Variants in LHFPL3 observed in about 807,000 individuals in gnomAD.
LHFPL3 encodes LHFPL tetraspan subfamily member 3.
LHFPL3 carries 5 observed loss-of-function variants against 19.3 expected under a neutral mutation model. The ratio of observed to expected loss-of-function variants is 0.26; its 90% CI spans 0.14 to 0.54. The LOEUF (loss-of-function observed/expected upper bound fraction) is 0.54. LHFPL3 is among the 20% of genes least tolerant of loss of function. The pLI, the probability that LHFPL3 is intolerant of heterozygous loss-of-function variation, is 0.94. For missense variants in LHFPL3, 249 were observed against 307.4 expected (o/e 0.81, Z 1.42); for synonymous variants, 133 against 126.2 (o/e 1.05, Z -0.36).
At chr7:104,447,566 T>G (rs747353759) in intron 1 of LHFPL3, among the ~76,000 whole-genome samples, 3 of 152,098 alleles carry the variant, frequency 2.0e-5, no homozygotes, top group Non-Finnish European at 4.4e-5. Flanking sequence ...TCCACTGGCA[T>G]TTTCTTAGTA....
At chr7:104,375,007 T>C (rs1023885476) in intron 1 of LHFPL3, among the ~76,000 whole-genome samples, 1 of 152,250 alleles carries the variant, frequency 6.6e-6, no homozygotes, top group South Asian at 2.1e-4. Flanking sequence ...AGTGTCAGTA[T>C]ATTTTCATTT....
At chr7:104,397,252 ATTATG>A (rs1791209221) in intron 1 of LHFPL3, among the ~76,000 whole-genome samples, 1 of 152,144 alleles carries the variant, frequency 6.6e-6, no homozygotes, top group Admixed American at 6.6e-5. Flanking sequence ...GTGATTTTAT[ATTATG>A]TAATATTTTT....
intron 2 of LHFPL3, among the ~76,000 whole-genome samples, chr7:104,753,620 C>T (rs1026562845): frequency 5.9e-5 from 9 of 151,542 alleles, no homozygotes; most frequent in African/African-American, 2.2e-4. Flanking sequence ...AACACAAAGA[C>T]CAGATGATAG....
At chr7:104,900,906 T>A (rs1315539481) in intron 2 of LHFPL3, among the ~76,000 whole-genome samples, 1 of 152,202 alleles carries the variant, frequency 6.6e-6, no homozygotes, top group Non-Finnish European at 1.5e-5. Context: ...GAATGACTTA[T>A]TTATTCATTC....
chr7:104,594,751 T>C (rs1267403790), intron 1 of LHFPL3, among the ~76,000 whole-genome samples: 1 of 152,238 alleles, frequency 6.6e-6, no homozygotes, highest in Non-Finnish European at 1.5e-5. Flanking sequence ...TCCTGTTTTT[T>C]CTCTAACCTT....
intron 1 of LHFPL3, among the ~76,000 whole-genome samples, chr7:104,466,159 T>C (rs1792780624): frequency 6.6e-6 from 1 of 152,236 alleles, no homozygotes; most frequent in South Asian, 2.1e-4. Flanking sequence ...TACTTAATAA[T>C]ACTTTTACCC....
chr7:104,778,305 C>T (rs918045657), intron 2 of LHFPL3, among the ~76,000 whole-genome samples: 3 of 152,200 alleles, frequency 2.0e-5, no homozygotes, highest in African/African-American at 7.2e-5. Context: ...CAACCTTGTG[C>T]AGAGGCGGTG....
Position 104,795,388 on chromosome 7 carries a change from C to T in LHFPL3, c.682+58477C>T, listed in dbSNP as rs533884338. Among the ~76,000 whole-genome samples, 98 of 152,344 alleles carry T rather than the reference C, an allele frequency of 6.4e-4. 1 individual carries two copies. The highest frequency in any genetic ancestry group is 1.1e-3 in the Non-Finnish European group (77 of 68,038). On this transcript the variant is annotated intron_variant, in intron 2 of 2. Transcript: ENST00000424859. ...GCAAGATAACAGGCTTCTGTTCTCT[C>T]TCCCCGTCCCTCGCCTCTTTCTTTC... is the stretch of plus-strand genomic sequence containing the variant.
At chr7:104,898,301 C>T (rs1198884605) in intron 2 of LHFPL3, among the ~76,000 whole-genome samples, 1 of 152,024 alleles carries the variant, frequency 6.6e-6, no homozygotes, top group Non-Finnish European at 1.5e-5. Flanking sequence ...GCCACTGTGC[C>T]CAGCCGAAAT....
intron 1 of LHFPL3, among the ~76,000 whole-genome samples, chr7:104,481,046 C>T (rs571774658): frequency 2.0e-5 from 3 of 152,256 alleles, no homozygotes; most frequent in Non-Finnish European, 4.4e-5. Flanking sequence ...CTTTGCCTTG[C>T]TGGGTGACAC....
intron 2 of LHFPL3, chr7:104,798,407 C>T (rs1158179494): frequency 6.6e-6 from 1 of 151,882 alleles, no homozygotes; most frequent in African/African-American, 2.4e-5. Context: ...GAAAAAATAA[C>T]CTAAAAAGTA....
chr7:104,418,541 A>G (rs1791668978), intron 1 of LHFPL3, among the ~76,000 whole-genome samples: 1 of 152,198 alleles, frequency 6.6e-6, no homozygotes, highest in Non-Finnish European at 1.5e-5. Context: ...CCAAAAACAA[A>G]CAAACAATTT....
chr7:104,515,950 A>C (rs1447866168), intron 1 of LHFPL3, among the ~76,000 whole-genome samples: 1 of 152,084 alleles, frequency 6.6e-6, no homozygotes, highest in African/African-American at 2.4e-5. Flanking sequence ...CCCAGTTCCA[A>C]AGTCGCTTCC....
At chr7:104,648,229 G>C (rs1791966407) in intron 1 of LHFPL3, among the ~76,000 whole-genome samples, 1 of 152,132 alleles carries the variant, frequency 6.6e-6, no homozygotes, top group Admixed American at 6.5e-5. Context: ...TCCAATTCAT[G>C]GGCTGCTGTA....
At chr7:104,562,319 C>G (rs975846738) in intron 1 of LHFPL3, among the ~76,000 whole-genome samples, 13 of 152,264 alleles carry the variant, frequency 8.5e-5, no homozygotes, top group African/African-American at 2.6e-4. Flanking sequence ...TTCAGGTACA[C>G]CAATCAGACA....
chr7:104,367,707 G>A (rs1361802236), intron 1 of LHFPL3, among the ~76,000 whole-genome samples: 4 of 152,190 alleles, frequency 2.6e-5, no homozygotes, highest in African/African-American at 7.2e-5. Context: ...GCAGTATTTT[G>A]GTTGGTTTGC....
At chr7:104,611,444 TTG>T (rs1297858400) in intron 1 of LHFPL3, among the ~76,000 whole-genome samples, 1 of 152,186 alleles carries the variant, frequency 6.6e-6, no homozygotes, top group Non-Finnish European at 1.5e-5. Context: ...ATGGCACACC[TTG>T]TGTATTGCAC....
intron 1 of LHFPL3, among the ~76,000 whole-genome samples, chr7:104,713,790 C>T (rs1423806083): frequency 6.6e-6 from 1 of 152,112 alleles, no homozygotes; most frequent in East Asian, 1.9e-4. Context: ...AAATGAATTA[C>T]AATAGATTTT....
intron 2 of LHFPL3, among the ~76,000 whole-genome samples, chr7:104,839,498 T>G (rs1332740268): frequency 1.3e-5 from 2 of 151,886 alleles, no homozygotes; most frequent in African/African-American, 4.8e-5. Flanking sequence ...AAAACCCCCC[T>G]CTCTACTAGA....
Sources: allele counts gnomAD v4.1 joint callset (sites outside exome capture counted in the v4.1 genomes callset), GRCh38; gene constraint gnomAD v4.1.1; transcripts MANE v1.5; gene names NCBI Gene and HGNC (gene_info 2026-07-23, HGNC 2026-07-21).